The following CNTNAP2 variants were observed in gnomAD, a reference collection of about 807,000 sequenced individuals.
The protein encoded by CNTNAP2 is contactin-associated protein-like 2.
Under a neutral mutation model 155.2 loss-of-function variants are expected in CNTNAP2, and 98 were observed. The ratio of observed to expected loss-of-function variants is 0.63; its 90% confidence interval spans 0.54 to 0.75. The LOEUF (loss-of-function observed/expected upper bound fraction) is 0.75. Ranked by LOEUF, CNTNAP2 falls within the 30% of genes least tolerant of loss-of-function variation. The probability of loss-of-function intolerance (pLI) is 0.00; values close to 1 mark genes in which losing one functional copy is unlikely to be tolerated. For synonymous variants in CNTNAP2, 651 were observed against 631.2 expected (o/e 1.03, Z -0.47); for missense variants, 1,727 against 1,688.1 (o/e 1.02, Z -0.40).
At chr7:147,035,868 A>G (rs1000482273) in intron 3 of CNTNAP2, among the ~76,000 whole-genome samples, 3 of 112,810 alleles carry the variant, frequency 2.7e-5, no homozygotes, top group Non-Finnish European at 5.9e-5. Flanking sequence ...TAAATTTGAG[A>G]AAAAAAAAAT....
intron 1 of CNTNAP2, among the ~76,000 whole-genome samples, chr7:146,271,638 T>G (rs1308783256): frequency 6.6e-6 from 1 of 151,812 alleles, no homozygotes; most frequent in Non-Finnish European, 1.5e-5. Flanking sequence ...ATTTTTAATT[T>G]TCTTCAAGGA....
rs1475856151 is a variant in CNTNAP2 at position 147,427,190 on chromosome 7, A to T, written c.1670+31410A>T. On this transcript the variant is annotated intron_variant, in intron 10 of 23. Transcript: ENST00000361727. Reference sequence around the variant, plus strand: ...AAGAGAGTGTTCCATGTATTCTTGAACCCTTTTATAAGGATGTTAGTCCCA... The same window carrying T: ...AAGAGAGTGTTCCATGTATTCTTGATCCCTTTTATAAGGATGTTAGTCCCA... Among the ~76,000 whole-genome samples, 26 of 151,818 alleles carry T rather than the reference A, an allele frequency of 1.7e-4. 1 individual carries two copies. The highest frequency in any genetic ancestry group is 1.5e-5 in the Non-Finnish European group (1 of 67,930).
chr7:146,330,561 G>A (rs1350694055), intron 1 of CNTNAP2, among the ~76,000 whole-genome samples: 1 of 152,132 alleles, frequency 6.6e-6, no homozygotes, highest in East Asian at 1.9e-4. Flanking sequence ...GGGACATGGA[G>A]GGTTTTATTT....
At chr7:146,969,914 C>A (rs1028179183) in intron 3 of CNTNAP2, among the ~76,000 whole-genome samples, 1 of 152,102 alleles carries the variant, frequency 6.6e-6, no homozygotes, top group African/African-American at 2.4e-5. Flanking sequence ...CGCATATCTA[C>A]AACTATCTGA....
Position 148,147,632 on chromosome 7 carries a change from A to T in CNTNAP2, c.2696A>T (p.Asp899Val). The T allele has an allele frequency of 6.2e-7, 1 of 1,614,092 alleles. No homozygotes were observed. The highest frequency in any genetic ancestry group is 8.5e-7 in the Non-Finnish European group (1 of 1,180,024). ...RNVKQASLQV[D>V]RLPQQIRKAP... ...GTCAAGCAGGCCAGCCTACAGGTGGACCGGCTACCGCAGCAGATCCGCAAG... is the reference window on the plus strand; with the variant it reads ...GTCAAGCAGGCCAGCCTACAGGTGGTCCGGCTACCGCAGCAGATCCGCAAG... The change falls in exon 17 of 24, where the codon GAC becomes GTC. Residue 899 changes from aspartate to valine, a missense_variant. By Grantham distance (152) the Asp-to-Val change is radical. Transcript: ENST00000361727.
intron 10 of CNTNAP2, among the ~76,000 whole-genome samples, chr7:147,468,783 A>G (rs1798162287): frequency 6.6e-6 from 1 of 152,162 alleles, no homozygotes; most frequent in South Asian, 2.1e-4. Context: ...AAGATTATGT[A>G]AGAAAGTAGC....
intron 1 of CNTNAP2, among the ~76,000 whole-genome samples, chr7:146,700,929 T>C (rs1259619686): frequency 6.6e-6 from 1 of 152,010 alleles, no homozygotes; most frequent in Non-Finnish European, 1.5e-5. Flanking sequence ...GTCCTCTGAG[T>C]AAAAGTTGAA....
chr7:146,448,116 T>C (rs564384055), intron 1 of CNTNAP2, among the ~76,000 whole-genome samples: 7 of 152,160 alleles, frequency 4.6e-5, no homozygotes, highest in African/African-American at 1.7e-4. Context: ...GAAAAATGGT[T>C]AATGCTACCA....
At chr7:147,467,973 G>T (rs1015725455) in intron 10 of CNTNAP2, among the ~76,000 whole-genome samples, 7 of 152,092 alleles carry the variant, frequency 4.6e-5, no homozygotes, top group Admixed American at 4.6e-4. Context: ...TGAGGTTACA[G>T]TATGCTATGA....
At chr7:148,022,700 T>C (rs1802305823) in intron 15 of CNTNAP2, among the ~76,000 whole-genome samples, 1 of 90,022 alleles carries the variant, frequency 1.1e-5, no homozygotes, top group Non-Finnish European at 2.1e-5. Context: ...TTTGCTTTTT[T>C]GTTTGTTTGG....
chr7:146,181,402 G>C (rs1798546968), intron 1 of CNTNAP2, among the ~76,000 whole-genome samples: 1 of 152,080 alleles, frequency 6.6e-6, no homozygotes, highest in Non-Finnish European at 1.5e-5. Flanking sequence ...AGGGTAACAT[G>C]CCATGATAAA....
intron 3 of CNTNAP2, among the ~76,000 whole-genome samples, 179 bp from the exon 4 acceptor site, chr7:147,043,728 T>G (rs752391868): frequency 1.7e-4 from 26 of 152,220 alleles, no homozygotes; most frequent in Non-Finnish European, 3.5e-4. Flanking sequence ...TGTTTTCCAC[T>G]TAAAACTGGA....
chr7:147,288,150 T>C (rs1296932530), intron 8 of CNTNAP2, among the ~76,000 whole-genome samples: 1 of 152,196 alleles, frequency 6.6e-6, no homozygotes, highest in Non-Finnish European at 1.5e-5. Flanking sequence ...GCTTCAGATT[T>C]ACTGTCACCT....
rs574695789 is a variant in CNTNAP2, at chr7:146,394,137, A to G, written c.97+277164A>G. 3.9e-5 allele frequency among the ~76,000 whole-genome samples: 6 copies of G among 152,246 alleles called. No individual in the cohort carries two copies. In the East Asian group the frequency reaches 1.2e-3, roughly 29 times the overall value. ...AATGAGATTTAGAGCCAGGGTTAGTACACCATGTGGATTGCCATGGGCATT... is the reference window on the plus strand; with the variant it reads ...AATGAGATTTAGAGCCAGGGTTAGTGCACCATGTGGATTGCCATGGGCATT... On this transcript the variant is annotated intron_variant, in intron 1 of 23. Transcript: ENST00000361727.
At chr7:146,930,043 A>T (rs1300988896) in intron 3 of CNTNAP2, among the ~76,000 whole-genome samples, 8 of 152,154 alleles carry the variant, frequency 5.3e-5, no homozygotes, top group Non-Finnish European at 1.0e-4. Context: ...GAACTTCCCC[A>T]ATCTAGCAAG....
intron 16 of CNTNAP2, among the ~76,000 whole-genome samples, chr7:148,122,941 G>C (rs1804632804): frequency 6.6e-6 from 1 of 152,192 alleles, no homozygotes; most frequent in Non-Finnish European, 1.5e-5. Context: ...AAGTGGACGG[G>C]AAGATCCTAG....
Position 147,134,990 on chromosome 7 carries a change from T to C in CNTNAP2, c.1348+2481T>C, listed in dbSNP as rs1020411144. On this transcript the variant is annotated intron_variant, in intron 8 of 23. Transcript: ENST00000361727. The stretch of plus-strand genomic sequence containing the variant: ...AGAAGGTAATATAGAGACTCTCAGA[T>C]ACTGTTAATATATACTGGTAACTTA... 2.6e-5 allele frequency among the ~76,000 whole-genome samples: 4 copies of C among 151,932 alleles called. No homozygotes were observed. In the South Asian group the frequency reaches 8.3e-4, roughly 31 times the overall value.
chr7:146,786,265 G>GAAAAA (rs71165040), intron 2 of CNTNAP2, among the ~76,000 whole-genome samples: 67,620 of 151,494 alleles, frequency 0.45, 18,142 homozygotes, highest in African/African-American at 0.77. Context: ...CTTATTAAGA[G>GAAAAA]GCAGACCAAA....
intron 1 of CNTNAP2, among the ~76,000 whole-genome samples, chr7:146,419,179 C>T (rs1167925402): frequency 6.6e-6 from 1 of 152,114 alleles, no homozygotes; most frequent in Non-Finnish European, 1.5e-5. Flanking sequence ...TCACATCTTA[C>T]ATGCCAGCAA....
Sources: gnomAD v4.1 joint callset for allele counts (sites outside exome capture counted in the v4.1 genomes callset) on GRCh38, gnomAD v4.1.1 for gene constraint, MANE v1.5 for transcripts, NCBI Gene and HGNC (gene_info 2026-07-23, HGNC 2026-07-21) for gene names.